The following UNKL variants were observed in gnomAD, a reference collection of about 807,000 sequenced individuals.
UNKL encodes the protein unk like zinc finger.
UNKL carries 60 observed loss-of-function variants against 78.0 expected under a neutral mutation model. That is an observed-to-expected ratio of 0.77 (90% CI 0.63 to 0.95). The LOEUF (loss-of-function observed/expected upper bound fraction) is 0.95, where lower values mean the gene tolerates loss of function less well. UNKL is among the 40% of genes least tolerant of loss of function. The probability of loss-of-function intolerance (pLI) is 0.00; values close to 1 mark genes in which losing one functional copy is unlikely to be tolerated. For missense variants in UNKL, 1,159 were observed against 1,045.7 expected (o/e 1.11, Z -1.49); for synonymous variants, 608 against 474.8 (o/e 1.28, Z -3.65).
rs746520523 is a variant in UNKL, at chr16:1,364,309, A to C, written c.*1931T>G. Reference sequence around the variant, plus strand: ...TTTGTCTTACGTTAAAACAGTTCTTAAACCACCTACTATATTAAATACATT... The same window carrying C: ...TTTGTCTTACGTTAAAACAGTTCTTCAACCACCTACTATATTAAATACATT... On this transcript the variant is annotated 3_prime_UTR_variant, in exon 15 of 15. Coordinates refer to ENST00000389221, the MANE Select transcript of UNKL (RefSeq NM_001372107.1). 1.3e-4 allele frequency: 20 copies of C among 152,366 alleles called. No homozygotes were observed. The highest frequency in any genetic ancestry group is 5.2e-4 in the Admixed American group (8 of 15,304). The allele number at this position is 152,366 out of a possible 1,614,324, so 9.4% of individuals were successfully genotyped here.
At chr16:1,389,213 C>A (rs893334374) in intron 9 of UNKL, among the ~76,000 whole-genome samples, 1 of 152,192 alleles carries the variant, frequency 6.6e-6, no homozygotes, top group Non-Finnish European at 1.5e-5. Context: ...ACGTGTCCCC[C>A]CCAAATTCCT....
intron 10 of UNKL, among the ~76,000 whole-genome samples, chr16:1,384,730 C>G (rs961707388): frequency 1.3e-5 from 2 of 152,210 alleles, no homozygotes; most frequent in African/African-American, 2.4e-5. Context: ...TCCCAAGTAG[C>G]TGGGACCACA....
intron 10 of UNKL, chr16:1,379,236 G>A (rs775551751): frequency 6.4e-6 from 1 of 155,186 alleles, no homozygotes; most frequent in African/African-American, 2.4e-5. Context: ...GTACCACGCG[G>A]GCTGAGTGCA....
intron 10 of UNKL, among the ~76,000 whole-genome samples, chr16:1,380,020 G>A (rs536696321): frequency 6.6e-6 from 1 of 152,368 alleles, no homozygotes; most frequent in African/African-American, 2.4e-5. Context: ...GTGAGCTGGG[G>A]CCGCTGCCTG....
intron 14 of UNKL, 55 bp downstream of exon 14, chr16:1,367,037 G>C (rs2035329345): frequency 1.4e-6 from 2 of 1,466,262 alleles, no homozygotes; most frequent in African/African-American, 1.4e-5. Flanking sequence ...CCCCAGACAG[G>C]GACAGCAGCC....
At chr16:1,378,608 C>G (rs948312650) in intron 10 of UNKL, among the ~76,000 whole-genome samples, 17 of 152,228 alleles carry the variant, frequency 1.1e-4, no homozygotes, top group African/African-American at 4.1e-4. Flanking sequence ...GCTCACCCGA[C>G]AAACTACGGC....
chr16:1,369,860 A>G, intron 12 of UNKL: 1 of 1,327,596 alleles, frequency 7.5e-7, no homozygotes, highest in Admixed American at 2.0e-5. Context: ...CTGTAGTCCC[A>G]GCTACTTGGG....
intron 12 of UNKL, among the ~76,000 whole-genome samples, chr16:1,369,690 G>A (rs11862246): frequency 0.92 from 139,765 of 152,322 alleles, 64,176 homozygotes; most frequent in East Asian, 1. Context: ...CTTTTACAAC[G>A]TAACAAATAG....
At chr16:1,383,295 C>A (rs1308077565) in intron 10 of UNKL, among the ~76,000 whole-genome samples, 1 of 149,352 alleles carries the variant, frequency 6.7e-6, no homozygotes, top group African/African-American at 2.5e-5. Context: ...AAAACAAAAT[C>A]AAAACAAAAC....
chr16:1,366,045 G>A lies in UNKL; in HGVS notation c.*195C>T. On this transcript the variant is annotated 3_prime_UTR_variant, in exon 15 of 15. Transcript: ENST00000389221. ...TGAAACCGTCGGTAGGACTAGATAGGTGACAACGTGTGACAGGAAAGGCTG... is the reference window on the plus strand; with the variant it reads ...TGAAACCGTCGGTAGGACTAGATAGATGACAACGTGTGACAGGAAAGGCTG... 3.5e-6 allele frequency: 2 copies of A among 578,526 alleles called. No individual in the cohort carries two copies. Among genetic ancestry groups the A allele is most frequent in the Non-Finnish European group, 5.7e-6 (2 of 352,602 alleles). 35.8% of individuals were successfully genotyped at this position (578,526 alleles called of 1,614,324 possible).
At chr16:1,371,682 G>A in intron 10 of UNKL, 71 bp from the exon 11 acceptor site, 5 of 1,470,952 alleles carry the variant, frequency 3.4e-6, no homozygotes, top group Non-Finnish European at 3.7e-6. Flanking sequence ...AGCTGAGGAG[G>A]ACGACCGTCC....
At chr16:1,413,724 A>T in intron 2 of UNKL, 122 bp downstream of exon 2, 2 of 1,118,596 alleles carry the variant, frequency 1.8e-6, no homozygotes, top group Non-Finnish European at 2.5e-6. Context: ...GCGTATAATT[A>T]CGACTCCCTC....
At position 1,374,321 on chromosome 16, in the gene UNKL, G is replaced by C. The variant is rs536104117; in HGVS notation, c.1265-2710C>G. Reference sequence around the variant, plus strand: ...CCCTGCCCTGTCGTCCCTGCTGGCTGCAAGTTCTTGGACCCTCACTGATGC... The same window carrying C: ...CCCTGCCCTGTCGTCCCTGCTGGCTCCAAGTTCTTGGACCCTCACTGATGC... On this transcript the variant is annotated intron_variant, in intron 10 of 14. Transcript: ENST00000389221. 4.6e-5 allele frequency among the ~76,000 whole-genome samples: 7 copies of C among 152,320 alleles called. No homozygotes were observed. In the South Asian group the frequency reaches 1.0e-3, roughly 23 times the overall value.
At chr16:1,388,821 G>A (rs966635574) in intron 9 of UNKL, among the ~76,000 whole-genome samples, 1 of 152,134 alleles carries the variant, frequency 6.6e-6, no homozygotes, top group Non-Finnish European at 1.5e-5. Flanking sequence ...GCTAACACCA[G>A]CACCGTTCGC....
chr16:1,400,709 A>G (rs1410460143), intron 4 of UNKL, among the ~76,000 whole-genome samples: 1 of 151,774 alleles, frequency 6.6e-6, no homozygotes, highest in Non-Finnish European at 1.5e-5. Context: ...TTTTTTTGAA[A>G]CGGAGTCTCA....
At chr16:1,390,381 G>A (rs1291377810) in intron 9 of UNKL, among the ~76,000 whole-genome samples, 2 of 152,190 alleles carry the variant, frequency 1.3e-5, no homozygotes, top group Non-Finnish European at 2.9e-5. Context: ...ATTTCCCCGA[G>A]CACGATGTTG....
rs745700328 is a variant in UNKL at position 1,413,884 on chromosome 16, C to G, written c.249G>C (p.Lys83Asn). The change falls in exon 2 of 15, where the codon AAG (lysine) becomes AAC (asparagine). Residue 83 changes from lysine to asparagine, a missense_variant. Lys to Asn is a moderately conservative substitution (Grantham distance 94, BLOSUM62 0). Transcript: ENST00000389221. Reference protein sequence around the residue: ...FNYSPDVYCSKYNEATGVCPD... With the variant: ...FNYSPDVYCSNYNEATGVCPD... ...GGCACACGCCGGTGGCTTCGTTGTA[C>G]TTGGAGCAGTACACGTCGGGGCTGT... 2.3e-5 allele frequency: 36 copies of G among 1,555,096 alleles called. No homozygotes were observed. The South Asian group carries it at 4.3e-4, about 18-fold the overall frequency.
chr16:1,389,225 C>T (rs540564861), intron 9 of UNKL, among the ~76,000 whole-genome samples: 13 of 152,248 alleles, frequency 8.5e-5, no homozygotes, highest in Non-Finnish European at 1.3e-4. Context: ...CAAATTCCTA[C>T]GTGGAAGCCT....
chr16:1,368,495 G>C (rs1054053170), intron 12 of UNKL, among the ~76,000 whole-genome samples: 1 of 151,626 alleles, frequency 6.6e-6, no homozygotes, highest in East Asian at 1.9e-4. Flanking sequence ...CCAGCTACTC[G>C]GGAGGCTGAG....
Sources: allele counts gnomAD v4.1 joint callset (sites outside exome capture counted in the v4.1 genomes callset), GRCh38; gene constraint gnomAD v4.1.1; transcripts MANE v1.5; gene names NCBI Gene and HGNC (gene_info 2026-07-23, HGNC 2026-07-21).